The following CHM variants were observed in gnomAD, a reference collection of about 807,000 sequenced individuals.
CHM encodes CHM Rab escort protein, also known as rab proteins geranylgeranyltransferase component A 1.
A neutral mutation model predicts 49.0 loss-of-function variants in CHM; 10 were observed. The ratio of observed to expected loss-of-function variants is 0.20; its 90% CI spans 0.13 to 0.35. The LOEUF (loss-of-function observed/expected upper bound fraction) is 0.35, where lower values mean the gene tolerates loss of function less well. CHM is among the 10% of genes least tolerant of loss of function. The pLI is 1.00. For synonymous variants in CHM, 184 were observed against 167.5 expected, an observed-to-expected ratio of 1.10 and a Z score of -0.76; for missense variants, 455 against 478.4, an observed-to-expected ratio of 0.95 and a Z score of 0.46.
At chrX:85,908,762 C>T (rs941491243) in intron 9 of CHM, among the ~76,000 whole-genome samples, 1 of 111,128 alleles carries the variant, frequency 9.0e-6, no homozygotes, top group Admixed American at 9.6e-5. Flanking sequence ...AGTAATATAA[C>T]AATATAATTA....
chrX:85,978,395 T>G (rs1931397581), intron 4 of CHM, among the ~76,000 whole-genome samples: 1 of 111,684 alleles, frequency 9.0e-6, no homozygotes, highest in African/African-American at 3.3e-5. Context: ...GGAGCTTAAG[T>G]GTGGCCCTGC....
chrX:86,009,204 T>C (rs1448084315), intron 2 of CHM, among the ~76,000 whole-genome samples: 1 of 112,097 alleles, frequency 8.9e-6, no homozygotes, highest in Non-Finnish European at 1.9e-5. Flanking sequence ...CTAGATGTGA[T>C]GGTGAATTGA....
intron 8 of CHM, among the ~76,000 whole-genome samples, chrX:85,926,051 A>G (rs977667066): frequency 1.8e-5 from 2 of 111,081 alleles, no homozygotes; most frequent in African/African-American, 6.5e-5. Context: ...AGCTCTCAGC[A>G]TCAACAATAA....
At chrX:86,040,420 T>G (rs1934414784) in intron 1 of CHM, among the ~76,000 whole-genome samples, 1 of 112,402 alleles carries the variant, frequency 8.9e-6, no homozygotes, top group Non-Finnish European at 1.9e-5. Flanking sequence ...TGTATTCCAG[T>G]TCCTGCCTTG....
chrX:85,977,624 G>C (rs147396470), intron 4 of CHM, among the ~76,000 whole-genome samples: 203 of 112,241 alleles, frequency 1.8e-3, no homozygotes, highest in African/African-American at 6.2e-3. Flanking sequence ...AAGCACGTAA[G>C]AAAGTTACCA....
At chrX:85,867,277 GCTTT>G (rs1923760304) in intron 14 of CHM, among the ~76,000 whole-genome samples, 1 of 111,611 alleles carries the variant, frequency 9.0e-6, no homozygotes, top group Non-Finnish European at 1.9e-5. Flanking sequence ...TTCCCTCTTT[GCTTT>G]CTTTGCTCTC....
At chrX:85,954,893 CA>C (rs768276965) in intron 8 of CHM, among the ~76,000 whole-genome samples, 51 of 83,231 alleles carry the variant, frequency 6.1e-4, no homozygotes, top group Admixed American at 5.6e-4. Context: ...CTCCATCTCC[CA>C]AAAAAAAAAA....
chrX:85,946,627 T>C lies in CHM; in HGVS notation c.1166+9526A>G, dbSNP rs150101304. Among the ~76,000 whole-genome samples, 374 of 112,091 alleles carry C rather than the reference T, an allele frequency of 3.3e-3. 2 individuals carry two copies. Among genetic ancestry groups the C allele is most frequent in the Middle Eastern group, 0.014 (3 of 218 alleles). On this transcript the variant is annotated intron_variant, in intron 8 of 14. Transcript: ENST00000357749. ...GATTTCAGAGAATATATGGGAAAGC[T>C]TGGGTGTCCAGGCAGAAACCCACTG...
intron 2 of CHM, among the ~76,000 whole-genome samples, chrX:85,998,900 T>C (rs1932568541): frequency 8.9e-6 from 1 of 111,830 alleles, no homozygotes; most frequent in South Asian, 3.7e-4. Context: ...CTTACATGTA[T>C]GTATGCATAT....
intron 11 of CHM, 58 bp downstream of exon 11, chrX:85,900,587 TA>T (rs1281511296): frequency 2.6e-5 from 18 of 692,360 alleles, no homozygotes; most frequent in Non-Finnish European, 3.9e-5. Flanking sequence ...CATGTATATA[TA>T]TACCGAAACA....
At position 85,873,188 on chromosome X, in the gene CHM, C is replaced by A. The variant is rs767228121; in HGVS notation, c.1634G>T (p.Arg545Ile). The A allele has an allele frequency of 1.7e-6, 2 of 1,187,995 alleles. No homozygotes were observed. The highest frequency in any genetic ancestry group is 3.5e-5 in the African/African-American group (2 of 56,704). Residue 545 changes from arginine (R) to isoleucine (I), a missense_variant, in exon 14 of 15, where the codon AGA (arginine) becomes ATA (isoleucine). Physicochemically the swap from Arg to Ile is moderately conservative, Grantham distance 97. Transcript: ENST00000357749. ...ATTGAAGTAAAGAGCCCACAGAATTCTTGGCTTTTCTACTTGTTCATTTTC... is the reference window on the plus strand; with the variant it reads ...ATTGAAGTAAAGAGCCCACAGAATTATTGGCTTTTCTACTTGTTCATTTTC... ...EIENEQVEKPRILWALYFNMR... is the reference protein window; with the variant it reads ...EIENEQVEKPIILWALYFNMR...
At chrX:85,988,480 G>A (rs1044545581) in intron 2 of CHM, among the ~76,000 whole-genome samples, 23 of 111,606 alleles carry the variant, frequency 2.1e-4, no homozygotes, top group African/African-American at 7.2e-4. Context: ...CCTATTCAAC[G>A]TAGTATTGGA....
At chrX:85,961,966 C>A (rs1930319817) in intron 5 of CHM, among the ~76,000 whole-genome samples, 1 of 111,882 alleles carries the variant, frequency 8.9e-6, no homozygotes, top group Admixed American at 9.5e-5. Flanking sequence ...TTTTCTACAC[C>A]AATTCCTACA....
At chrX:85,884,598 C>G (rs977679122) in intron 12 of CHM, among the ~76,000 whole-genome samples, 2 of 111,182 alleles carry the variant, frequency 1.8e-5, no homozygotes, top group African/African-American at 6.5e-5. Flanking sequence ...TTTCAAGAAC[C>G]TTTCATATAT....
intron 2 of CHM, among the ~76,000 whole-genome samples, chrX:85,992,220 C>CA (rs1373126553): frequency 9.0e-6 from 1 of 111,575 alleles, no homozygotes; most frequent in Non-Finnish European, 1.9e-5. Context: ...TTTGTTACCC[C>CA]AATTCATCTG....
intron 2 of CHM, among the ~76,000 whole-genome samples, chrX:86,018,161 T>C (rs1193982956): frequency 8.9e-6 from 1 of 112,332 alleles, no homozygotes; most frequent in East Asian, 2.8e-4. Context: ...TGTATTTGGT[T>C]AGAAGGCATA....
At chrX:85,894,690 C>T (rs1176169257) in intron 11 of CHM, among the ~76,000 whole-genome samples, 1 of 111,199 alleles carries the variant, frequency 9.0e-6, no homozygotes, top group African/African-American at 3.3e-5. Context: ...TAGTACACTC[C>T]AAAATCTGAA....
Position 85,942,591 on chromosome X carries a change from T to C in CHM, c.1166+13562A>G, listed in dbSNP as rs1017096912. Among the ~76,000 whole-genome samples the C allele has an allele frequency of 4.5e-5, 5 of 111,090 alleles. No individual in the cohort carries two copies. In the Admixed American group the frequency reaches 4.8e-4, roughly 11 times the overall value. ...GCAGTGCTGCAAAAGGATAGTATGT[T>C]GTGATTCAATAATCGAGCTTCACAC... is the stretch of plus-strand genomic sequence containing the variant. On this transcript the variant is annotated intron_variant, in intron 8 of 14. Transcript: ENST00000357749.
chrX:85,897,086 A>T lies in CHM; in HGVS notation c.1414-2802T>A, dbSNP rs12689897. Among the ~76,000 whole-genome samples, 319 of 86,994 alleles carry T rather than the reference A, an allele frequency of 3.7e-3. 2 individuals carry two copies. The East Asian group carries it at 0.054, about 15-fold the overall frequency. 75.5% of individuals were successfully genotyped at this position (86,994 alleles called of 115,157 possible). Reference sequence around the variant, plus strand: ...TAATATATTATATATTAATTACATAATATATAATATATATAACAGCATATA... The same window carrying T: ...TAATATATTATATATTAATTACATATTATATAATATATATAACAGCATATA... On this transcript the variant is annotated intron_variant, in intron 11 of 14. Transcript: ENST00000357749.
Sources: gnomAD v4.1 joint callset for allele counts (sites outside exome capture counted in the v4.1 genomes callset) on GRCh38, gnomAD v4.1.1 for gene constraint, MANE v1.5 for transcripts, NCBI Gene and HGNC (gene_info 2026-07-23, HGNC 2026-07-21) for gene names.